The following MMS19 variants were observed in gnomAD, a reference collection of about 807,000 sequenced individuals.
The protein encoded by MMS19 is MMS19 nucleotide excision repair protein homolog.
Under a neutral mutation model 129.8 loss-of-function variants are expected in MMS19, and 77 were observed. That is an observed-to-expected ratio of 0.59 (90% confidence interval 0.49 to 0.72). The LOEUF (loss-of-function observed/expected upper bound fraction) is 0.72, where lower values mean the gene tolerates loss of function less well. Among genes scored for constraint, MMS19 ranks in the 30% least tolerant of loss-of-function variants. The pLI, the probability that MMS19 is intolerant of heterozygous loss-of-function variation, is 0.00. For missense variants in MMS19, 1,168 were observed against 1,266.3 expected (o/e 0.92, Z 1.18); for synonymous variants, 491 against 502.8 (o/e 0.98, Z 0.31).
intron 3 of MMS19, among the ~76,000 whole-genome samples, chr10:97,479,871 A>G (rs1261002886): frequency 6.6e-6 from 1 of 152,102 alleles, no homozygotes; most frequent in Non-Finnish European, 1.5e-5. Flanking sequence ...AGGCAAATAG[A>G]GAGGAAAAGG....
intron 19 of MMS19, 98 bp downstream of exon 19, chr10:97,463,760 T>C: frequency 1.8e-6 from 2 of 1,092,376 alleles, no homozygotes; most frequent in South Asian, 3.1e-5. Flanking sequence ...CCTCTGATGG[T>C]ACAAAATACA....
intron 3 of MMS19, among the ~76,000 whole-genome samples, chr10:97,479,134 C>A (rs184314053): frequency 6.6e-6 from 1 of 152,142 alleles, no homozygotes; most frequent in Admixed American, 6.5e-5. Flanking sequence ...TTCCTTCTCC[C>A]TTCCTTCTTG....
upstream of MMS19, chr10:97,498,441 C>G: frequency 6.5e-7 from 1 of 1,541,552 alleles, no homozygotes. Context: ...ACGGGCTCTC[C>G]GCGCATGCGC....
chr10:97,458,916 ATATAAT>A lies in MMS19; in HGVS notation c.2965-22_2965-17del. On this transcript the variant is annotated splice_polypyrimidine_tract_variant and intron_variant, in intron 29 of 30. Transcript: ENST00000438925. The stretch of plus-strand genomic sequence containing the variant: ...ACGGCAGCAGCTGTGGAGTCAGAGG[ATATAAT>A]CAACCTTGCTCATCCAAGGCAACTG... The A allele has an allele frequency of 6.2e-7, 1 of 1,613,122 alleles. No homozygotes were observed. The highest frequency in any genetic ancestry group is 8.5e-7 in the Non-Finnish European group (1 of 1,179,136).
rs1362879713 is a variant in MMS19 at position 97,460,618 on chromosome 10, G to A, written c.2469+77C>T. On this transcript the variant is annotated intron_variant, in intron 25 of 30. Transcript: ENST00000438925. Reference sequence around the variant, plus strand: ...AACAAAAAACACACAGGGGAGGATGGAAGTCCTTGGGAGGAATAGGAGCAA... The same window carrying A: ...AACAAAAAACACACAGGGGAGGATGAAAGTCCTTGGGAGGAATAGGAGCAA... 4.8e-5 allele frequency: 57 copies of A among 1,190,416 alleles called. 1 individual carries two copies. Among genetic ancestry groups the A allele is most frequent in the Non-Finnish European group, 7.0e-5 (57 of 817,994 alleles). The allele number at this position is 1,190,416 out of a possible 1,614,324, so 73.7% of individuals were successfully genotyped here. A position where few individuals can be genotyped will look rare whatever the true frequency, so the allele number is the denominator to read the frequency against.
Position 97,466,068 on chromosome 10 carries a change from G to C in MMS19, c.1597C>G (p.Leu533Val). 1.9e-6 allele frequency: 3 copies of C among 1,613,594 alleles called. No individual in the cohort carries two copies. Among genetic ancestry groups the C allele is most frequent in the Non-Finnish European group, 2.5e-6 (3 of 1,179,674 alleles). ...SHLVPKLAEE[L>V]RVGESNLTNG... ...GATTAGAGACACATACCTACACGCAGCTCCTCAGCGAGCTTGGGTACGAGG... is the reference window on the plus strand; with the variant it reads ...GATTAGAGACACATACCTACACGCACCTCCTCAGCGAGCTTGGGTACGAGG... Residue 533 changes from leucine (L) to valine (V), a missense_variant, in exon 17 of 31, where the codon CTG (leucine) becomes GTG (valine). By Grantham distance (32) the Leu-to-Val change is conservative. This residue lies in a region of MMS19 where 831 missense variants were observed against 910.8 expected (regional missense o/e 0.91). Coordinates refer to ENST00000438925, the MANE Select transcript of MMS19 (RefSeq NM_022362.5).
At chr10:97,475,493 T>C (rs945923875) in intron 8 of MMS19, among the ~76,000 whole-genome samples, 9 of 152,162 alleles carry the variant, frequency 5.9e-5, no homozygotes, top group Non-Finnish European at 1.2e-4. Flanking sequence ...TCCCAGCACT[T>C]TGGGAGGCCG....
At chr10:97,492,033 A>C (rs1486293494) in intron 1 of MMS19, among the ~76,000 whole-genome samples, 1 of 150,560 alleles carries the variant, frequency 6.6e-6, no homozygotes, top group Non-Finnish European at 1.5e-5. Context: ...AGCTACTCCG[A>C]AGGCTGAGGC....
rs148133641 is a variant in MMS19 at position 97,484,419 on chromosome 10, C to T, written c.113-268G>A. 5.3e-3 allele frequency among the ~76,000 whole-genome samples: 799 copies of T among 151,978 alleles called. 8 individuals carry two copies. Among genetic ancestry groups the T allele is most frequent in the African/African-American group, 0.018 (752 of 41,474 alleles). ...AAATCCAAGAGAAATAAAAAAATCA[C>T]AAACAAAATAATTTGTTAAATTAGC... On this transcript the variant is annotated intron_variant, in intron 1 of 30. Coordinates refer to ENST00000438925, the MANE Select transcript of MMS19 (RefSeq NM_022362.5).
At position 97,458,637 on chromosome 10, in the gene MMS19, A is replaced by T. The variant is rs2030546337; in HGVS notation, c.*55T>A. On this transcript the variant is annotated 3_prime_UTR_variant, in exon 31 of 31. Transcript: ENST00000438925. ...TCCCTGCTTTGGGGAAGATGGCTCA[A>T]CAGTTAGTAATCCCAGGTTAGATTG... 5 of 1,544,006 alleles carry T rather than the reference A, an allele frequency of 3.2e-6. No individual in the cohort carries two copies. The highest frequency in any genetic ancestry group is 8.8e-7 in the Non-Finnish European group (1 of 1,140,850).
chr10:97,467,661 ATTCT>A, intron 13 of MMS19, 78 bp from the exon 14 acceptor site: 2 of 1,377,848 alleles, frequency 1.5e-6, no homozygotes, highest in South Asian at 1.2e-5. Context: ...TATAGGGAAA[ATTCT>A]TTCTTTCTTC....
Position 97,480,929 on chromosome 10 carries a change from G to A in MMS19, c.262+13C>T. On this transcript the variant is annotated intron_variant, in intron 3 of 30. Coordinates refer to ENST00000438925, the MANE Select transcript of MMS19 (RefSeq NM_022362.5). ...GCAATCCAGGAAGACATTCCTATTA[G>A]TGACACCAGTACCTTCCTTCTCCAG... 6.4e-7 allele frequency: 1 copy of A among 1,566,112 alleles called. No individual in the cohort carries two copies. The highest frequency in any genetic ancestry group is 8.7e-7 in the Non-Finnish European group (1 of 1,143,844).
At chr10:97,494,395 G>T (rs950016733) in intron 1 of MMS19, among the ~76,000 whole-genome samples, 1 of 152,206 alleles carries the variant, frequency 6.6e-6, no homozygotes, top group East Asian at 1.9e-4. Flanking sequence ...TGGACTAGCA[G>T]CCAAAGGGAA....
intron 3 of MMS19, 40 bp from the exon 4 acceptor site, chr10:97,478,429 G>C: frequency 1.4e-6 from 2 of 1,440,774 alleles, no homozygotes; most frequent in Non-Finnish European, 1.9e-6. Flanking sequence ...ACATAGGCAC[G>C]AGAAGGGCCC....
intron 19 of MMS19, chr10:97,462,994 A>C (rs897265408): frequency 1.6e-5 from 5 of 306,878 alleles, no homozygotes; most frequent in Non-Finnish European, 3.0e-5. Context: ...GTGTCCCTGG[A>C]GATGCAAGGA....
intron 1 of MMS19, among the ~76,000 whole-genome samples, chr10:97,497,774 G>C (rs939352316): frequency 6.6e-6 from 1 of 152,180 alleles, no homozygotes; most frequent in Non-Finnish European, 1.5e-5. Flanking sequence ...AGCTCCTCCT[G>C]GCCCGTCTCC....
intron 19 of MMS19, 25 bp downstream of exon 19, chr10:97,463,832 GC>G: frequency 6.2e-7 from 1 of 1,600,742 alleles, no homozygotes; most frequent in Non-Finnish European, 8.5e-7. Context: ...GTTCCCAAAG[GC>G]CAGGAAGGAG....
intron 1 of MMS19, among the ~76,000 whole-genome samples, chr10:97,490,897 G>GA (rs963115823): frequency 1.4e-4 from 22 of 152,254 alleles, no homozygotes; most frequent in Non-Finnish European, 5.9e-5. Context: ...AGAGCCAAGG[G>GA]AAAAAATGAG....
chr10:97,485,196 T>A (rs1375379256), intron 1 of MMS19, among the ~76,000 whole-genome samples: 1 of 151,974 alleles, frequency 6.6e-6, no homozygotes, highest in Non-Finnish European at 1.5e-5. Context: ...TGGTGTGATC[T>A]CGGCTTGCTG....
Sources: gnomAD v4.1 joint callset for allele counts (sites outside exome capture counted in the v4.1 genomes callset) on GRCh38, gnomAD v4.1.1 for gene constraint, gnomAD v4.1.1 regional missense constraint, MANE v1.5 for transcripts, NCBI Gene and HGNC (gene_info 2026-07-23, HGNC 2026-07-21) for gene names.